MYH7: variants seen among roughly 807,000 people sequenced by gnomAD.
MYH7 encodes the protein myosin heavy chain 7, also known as myosin-7.
Under a neutral mutation model 225.4 loss-of-function variants are expected in MYH7, and 129 were observed. The observed-to-expected ratio is 0.57, with a 90% CI of 0.50 to 0.66. The LOEUF is 0.66. Among genes scored for constraint, MYH7 ranks in the 30% least tolerant of loss-of-function variants. MYH7 has a pLI of 0.00. For missense variants in MYH7, 1,649 were observed against 2,517.0 expected, an observed-to-expected ratio of 0.66 and a Z score of 7.38; for synonymous variants, 971 against 1,007.6, an observed-to-expected ratio of 0.96 and a Z score of 0.69.
At chr14:23,418,062 G>C (rs548734550) in intron 30 of MYH7, 148 bp downstream of exon 30, 2 of 1,207,500 alleles carry the variant, frequency 1.7e-6, no homozygotes, top group Admixed American at 3.4e-5. Flanking sequence ...TTCCCTGAGA[G>C]GAGAAGGAGG....
chr14:23,427,625 C>T lies in MYH7; in HGVS notation c.1848G>A (p.Leu616=). The T allele has an allele frequency of 1.2e-6, 2 of 1,614,178 alleles. No homozygotes were observed. Among genetic ancestry groups the T allele is most frequent in the Non-Finnish European group, 1.7e-6 (2 of 1,180,034 alleles). ...CATAGTTGGCAAACAGGGTGCTGAGCAGCTTGAGGGAAGACTTCTGATACA... is the reference window on the plus strand; with the variant it reads ...CATAGTTGGCAAACAGGGTGCTGAGTAGCTTGAGGGAAGACTTCTGATACA... ...VGLYQKSSLK[L]LSTLFANYAG... Residue 616 remains leucine (L), a synonymous_variant, in exon 16 of 40, where the codon CTG becomes CTA. Coordinates refer to ENST00000355349, the MANE Select transcript of MYH7 (RefSeq NM_000257.4).
rs1595070833 is a variant in MYH7, at chr14:23,414,120, G to A, written c.5560-18C>T. 1 of 1,607,724 alleles carries A rather than the reference G, an allele frequency of 6.2e-7. No homozygotes were observed. The highest frequency in any genetic ancestry group is 8.5e-7 in the Non-Finnish European group (1 of 1,178,618). On this transcript the variant is annotated intron_variant, in intron 37 of 39. Transcript: ENST00000355349. ...TCCTCCGTCTGGGGGCCAGAGGGTA[G>A]GCAGGGGGTGAAGATGGCACAGTCA...
In MYH7 at chr14:23,414,024, G is replaced by C. The variant is rs1057522617; in HGVS notation, c.5638C>G (p.Arg1880Gly). Residue 1880 changes from arginine to glycine, a missense_variant, in exon 38 of 40, where the codon CGC becomes GGC. By Grantham distance (125) the Arg-to-Gly change is moderately radical. Coordinates refer to ENST00000355349, the MANE Select transcript of MYH7 (RefSeq NM_000257.4). The stretch of plus-strand genomic sequence containing the variant: ...TCACTCACCGCCTCCTCGGCCTGGC[G>C]CTTGTAGGCCTTGACCTTTAGCTGC... ...KLQLKVKAYK[R>G]QAEEAEEQAN... The C allele has an allele frequency of 1.2e-6, 2 of 1,614,000 alleles. No homozygotes were observed. The highest frequency in any genetic ancestry group is 2.7e-5 in the African/African-American group (2 of 74,918).
At chr14:23,418,519 C>T (rs1892330121) in intron 29 of MYH7, 113 bp from the exon 30 acceptor site, 4 of 1,275,556 alleles carry the variant, frequency 3.1e-6, no homozygotes, top group Non-Finnish European at 4.2e-6. Flanking sequence ...CATCTATGTC[C>T]AAACCCCCAG....
Position 23,424,102 on chromosome 14 carries a change from G to T in MYH7, c.2727C>A (p.Ile909=), listed in dbSNP as rs377722048. 1.5e-5 allele frequency: 25 copies of T among 1,614,182 alleles called. No homozygotes were observed. The East Asian group carries it at 2.7e-4, about 17-fold the overall frequency. The part of the protein sequence containing the change: ...ADAEERCDQL[I]KNKIQLEAKV... Reference sequence around the variant, plus strand: ...TGGCCTCCAGCTGAATCTTGTTTTTGATCAGCTGATCACAGCGCTCCTCAG... The same window carrying T: ...TGGCCTCCAGCTGAATCTTGTTTTTTATCAGCTGATCACAGCGCTCCTCAG... Residue 909 remains isoleucine (I), a synonymous_variant, in exon 23 of 40, where the codon ATC becomes ATA. Coordinates refer to ENST00000355349, the MANE Select transcript of MYH7 (RefSeq NM_000257.4).
intron 1 of MYH7, among the ~76,000 whole-genome samples, chr14:23,434,508 C>T (rs147325962): frequency 1.3e-5 from 2 of 152,364 alleles, no homozygotes; most frequent in East Asian, 1.9e-4. Context: ...ATGGTCCCAC[C>T]CCTGCCTGTA....
At position 23,433,159 on chromosome 14, in the gene MYH7, C is replaced by T. The variant is rs2138685634; in HGVS notation, c.270G>A (p.Met90Ile). 6.2e-7 allele frequency: 1 copy of T among 1,614,130 alleles called. No homozygotes were observed. Among genetic ancestry groups the T allele is most frequent in the Admixed American group, 1.7e-5 (1 of 60,022 alleles). ...NPPKFDKIED[M>I]AMLTFLHEPA... ...GCTCATGCAGGAAGGTCAGCATGGCCATGTCCTCGATTTTGTCGAACTTGG... is the reference window on the plus strand; with the variant it reads ...GCTCATGCAGGAAGGTCAGCATGGCTATGTCCTCGATTTTGTCGAACTTGG... The change falls in exon 4 of 40, where the codon ATG becomes ATA. Residue 90 changes from methionine to isoleucine, a missense_variant. Coordinates refer to ENST00000355349, the MANE Select transcript of MYH7 (RefSeq NM_000257.4). This position sits in a 1 kb window ranked among gnomAD's most constrained non-coding sequence, Gnocchi z 4.1.
chr14:23,427,156 G>A (rs1367151952), intron 17 of MYH7, 84 bp downstream of exon 17: 57 of 1,359,992 alleles, frequency 4.2e-5, no homozygotes, highest in Non-Finnish European at 5.5e-5. Context: ...GGAGGAGTAG[G>A]GGATGAACAA....
Position 23,425,152 on chromosome 14 carries a change from CA to C in MYH7, c.2423+129del. 6.3e-7 allele frequency: 1 copy of C among 1,597,350 alleles called. No individual in the cohort carries two copies. The highest frequency in any genetic ancestry group is 1.1e-5 in the South Asian group (1 of 90,434). Reference sequence around the variant, plus strand: ...CCTGAGGCCTCTGACCCTGTGACTGCAGTGTGTTCATATGAGCCCCTCCTGC... The same window carrying C: ...CCTGAGGCCTCTGACCCTGTGACTGCGTGTGTTCATATGAGCCCCTCCTGC... On this transcript the variant is annotated intron_variant, in intron 21 of 39. Transcript: ENST00000355349. The surrounding 1 kb of genome is among the most constrained non-coding windows in gnomAD (Gnocchi z 4.6).
intron 11 of MYH7, 79 bp from the exon 12 acceptor site, chr14:23,429,992 A>G: frequency 6.4e-7 from 1 of 1,559,212 alleles, no homozygotes; most frequent in Non-Finnish European, 8.8e-7. Context: ...AGTTGGAGAG[A>G]AAACTTGTCT....
At chr14:23,430,824 C>T in intron 10 of MYH7, 77 bp downstream of exon 10, 1 of 1,330,038 alleles carries the variant, frequency 7.5e-7, no homozygotes, top group Non-Finnish European at 1.1e-6. Flanking sequence ...CAGGGCATGC[C>T]AGCTGAGTCC....
At chr14:23,435,168 A>G (rs1893092504) in intron 1 of MYH7, among the ~76,000 whole-genome samples, 1 of 152,050 alleles carries the variant, frequency 6.6e-6, no homozygotes, top group Non-Finnish European at 1.5e-5. Flanking sequence ...AGGGGTAGCT[A>G]CACATTCCAG....
chr14:23,423,782 G>C (rs1892579663), intron 23 of MYH7, 59 bp from the exon 24 acceptor site: 2 of 1,613,352 alleles, frequency 1.2e-6, no homozygotes, highest in Non-Finnish European at 1.7e-6. Flanking sequence ...GGTGCCATCT[G>C]TGGGGAGCTC....
At chr14:23,427,998 T>G in intron 15 of MYH7, 104 bp from the exon 16 acceptor site, 1 of 1,442,080 alleles carries the variant, frequency 6.9e-7, no homozygotes, top group Non-Finnish European at 9.6e-7. Flanking sequence ...ATGTTGGGTG[T>G]TAAGGTAGTA....
At chr14:23,423,882 T>G in intron 23 of MYH7, 25 bp downstream of exon 23, 1 of 1,613,856 alleles carries the variant, frequency 6.2e-7, no homozygotes, top group South Asian at 1.1e-5. Context: ...AGACCCGGGC[T>G]GGAGCCAAAG....
intron 39 of MYH7, among the ~76,000 whole-genome samples, chr14:23,413,333 C>T (rs1892047207): frequency 6.6e-6 from 1 of 152,142 alleles, no homozygotes; most frequent in African/African-American, 2.4e-5. Flanking sequence ...TAATCCCGTA[C>T]TTTGGGAGGC....
chr14:23,427,471 G>T, intron 16 of MYH7, 114 bp downstream of exon 16: 3 of 1,498,730 alleles, frequency 2.0e-6, no homozygotes, highest in East Asian at 2.4e-5. Flanking sequence ...CACTGAGTCT[G>T]TAAACCTTGG....
rs556490774 is a variant in MYH7, at chr14:23,415,154, G to C, written c.5400C>G (p.Ala1800=). The C allele has an allele frequency of 1.9e-6, 3 of 1,614,074 alleles. No individual in the cohort carries two copies. In the African/African-American group the frequency reaches 4.0e-5, roughly 22 times the overall value. ...TGCCGCCCTTGAGGGCGATCTGCTC[G>C]GCTTCGTCCAGCCGGTGCTGCAGGT... ...IKDLQHRLDE[A]EQIALKGGKK... Residue 1800 remains alanine (A), a synonymous_variant, in exon 37 of 40, where the codon GCC becomes GCG. Coordinates refer to ENST00000355349, the MANE Select transcript of MYH7 (RefSeq NM_000257.4). The surrounding 1 kb of genome is among the most constrained non-coding windows in gnomAD (Gnocchi z 6.3).
Position 23,425,152 on chromosome 14 carries a change from C to A in MYH7, c.2424-128G>T, listed in dbSNP as rs1205273370. The A allele has an allele frequency of 6.3e-7, 1 of 1,597,232 alleles. No individual in the cohort carries two copies. Among genetic ancestry groups the A allele is most frequent in the Non-Finnish European group, 8.6e-7 (1 of 1,167,072 alleles). On this transcript the variant is annotated intron_variant, in intron 21 of 39. Transcript: ENST00000355349. The surrounding 1 kb of genome is among the most constrained non-coding windows in gnomAD (Gnocchi z 4.6). ...CCTGAGGCCTCTGACCCTGTGACTG[C>A]AGTGTGTTCATATGAGCCCCTCCTG...
Sources: gnomAD v4.1 joint callset for allele counts (sites outside exome capture counted in the v4.1 genomes callset) on GRCh38, gnomAD v4.1.1 for gene constraint, Gnocchi (gnomAD v3.1) non-coding constraint, MANE v1.5 for transcripts, NCBI Gene and HGNC (gene_info 2026-07-23, HGNC 2026-07-21) for gene names.